ZNF487: variants seen among roughly 807,000 people sequenced by gnomAD.
ZNF487 encodes the protein zinc finger protein 487.
A neutral mutation model predicts 3.0 loss-of-function variants in ZNF487; 4 were observed. The ratio of observed to expected loss-of-function variants is 1.35; its 90% confidence interval spans 0.66 to 3.08. ZNF487 has a LOEUF of 3.08. Ranked by LOEUF, ZNF487 falls within the 30% of genes most tolerant of loss-of-function variation. The pLI is 0.01. For missense variants in ZNF487, 146 were observed against 98.7 expected, an observed-to-expected ratio of 1.48 and a Z score of -2.03; for synonymous variants, 55 against 34.6, an observed-to-expected ratio of 1.59 and a Z score of -2.06.
chr10:43,485,401 C>G (rs929657253), downstream of ZNF487, among the ~76,000 whole-genome samples: 11 of 152,300 alleles, frequency 7.2e-5, no homozygotes, highest in Middle Eastern at 3.4e-3. Context: ...ACATCTGTCA[C>G]ATGATTTACA....
the ZNF487 span, among the ~76,000 whole-genome samples, chr10:43,506,950 C>T: frequency 6.6e-6 from 1 of 152,172 alleles, no homozygotes; most frequent in African/African-American, 2.4e-5. Context: ...ATAACTGGCT[C>T]CATGATACAG....
the ZNF487 span, among the ~76,000 whole-genome samples, chr10:43,504,722 TG>T: frequency 0.72 from 106,910 of 148,980 alleles, 39,542 homozygotes; most frequent in East Asian, 0.93. Context: ...TTGTTGTTGT[TG>T]TTTTTTTTTT....
chr10:43,493,208 C>A, the ZNF487 span, among the ~76,000 whole-genome samples: 1 of 152,088 alleles, frequency 6.6e-6, no homozygotes, highest in Non-Finnish European at 1.5e-5. Flanking sequence ...CCAGCCGAGG[C>A]AACAAGAGCG....
At chr10:43,479,984 C>CTTCCTTCT (rs1284128032) in intron 3 of ZNF487, among the ~76,000 whole-genome samples, 1 of 57,814 alleles carries the variant, frequency 1.7e-5, no homozygotes, top group Non-Finnish European at 5.4e-5. Flanking sequence ...TCTTTCTTTC[C>CTTCCTTCT]TTCTTTCTTT....
intron 1 of ZNF487, among the ~76,000 whole-genome samples, chr10:43,473,089 C>T (rs1840962830): frequency 7.0e-6 from 1 of 143,844 alleles, no homozygotes; most frequent in Non-Finnish European, 1.5e-5. Context: ...TATATGGTGA[C>T]TTTACCATAT....
chr10:43,485,546 C>A (rs1841464059), downstream of ZNF487, among the ~76,000 whole-genome samples: 1 of 152,170 alleles, frequency 6.6e-6, no homozygotes, highest in South Asian at 2.1e-4. Context: ...GAAATTCAAC[C>A]TCTTTCAGTA....
downstream of ZNF487, among the ~76,000 whole-genome samples, chr10:43,487,941 A>T (rs1841484513): frequency 6.7e-6 from 1 of 148,880 alleles, no homozygotes; most frequent in Non-Finnish European, 1.5e-5. Flanking sequence ...AAAAAAAAAA[A>T]AAAAAAAAAA....
At chr10:43,443,913 C>T (rs900610997) in intron 1 of ZNF487, among the ~76,000 whole-genome samples, 56 of 149,644 alleles carry the variant, frequency 3.7e-4, no homozygotes, top group East Asian at 1.6e-3. Flanking sequence ...AGTGCAATGG[C>T]GTGATCTTGG....
At chr10:43,467,082 C>T (rs1314562200) in intron 1 of ZNF487, among the ~76,000 whole-genome samples, 1 of 152,016 alleles carries the variant, frequency 6.6e-6, no homozygotes, top group Non-Finnish European at 1.5e-5. Flanking sequence ...ATCATGTTGA[C>T]CAGGCTGGTC....
At chr10:43,483,523 T>C (rs60057912), downstream of ZNF487, among the ~76,000 whole-genome samples, 5,180 of 95,678 alleles carry the variant, frequency 0.054, 116 homozygotes, top group South Asian at 0.082. Context: ...ACAGCCACCA[T>C]GCCCAGCCCT....
In ZNF487 at chr10:43,475,188, G is replaced by A. The variant is rs568330436; in HGVS notation, c.-93-533G>A. Reference sequence around the variant, plus strand: ...GGACCCTCCCTTATCTGCCTCCTGCGTCTATCACTAGCAGGACCTCGTATA... The same window carrying A: ...GGACCCTCCCTTATCTGCCTCCTGCATCTATCACTAGCAGGACCTCGTATA... On this transcript the variant is annotated intron_variant, in intron 1 of 3. Transcript: ENST00000437590. Among the ~76,000 whole-genome samples, 65 of 152,232 alleles carry A rather than the reference G, an allele frequency of 4.3e-4. No individual in the cohort carries two copies. In the South Asian group the frequency reaches 8.1e-3, roughly 19 times the overall value.
chr10:43,471,220 G>T (rs1395183970), intron 1 of ZNF487, among the ~76,000 whole-genome samples: 5 of 152,284 alleles, frequency 3.3e-5, no homozygotes, highest in Admixed American at 3.3e-4. Flanking sequence ...GATGGAGCAC[G>T]TGAGTGAGTG....
At chr10:43,476,842 C>T (rs568392752) in intron 3 of ZNF487, among the ~76,000 whole-genome samples, 12 of 152,168 alleles carry the variant, frequency 7.9e-5, no homozygotes, top group African/African-American at 2.4e-4. Flanking sequence ...AGAGACTGCT[C>T]GCTGAGGTGC....
chr10:43,462,668 A>T (rs2132095286), intron 1 of ZNF487, among the ~76,000 whole-genome samples: 1 of 151,420 alleles, frequency 6.6e-6, no homozygotes, highest in South Asian at 2.1e-4. Flanking sequence ...GTTGGCCAGG[A>T]TGGTCACGAT....
downstream of ZNF487, among the ~76,000 whole-genome samples, chr10:43,485,861 A>C (rs1841466011): frequency 6.6e-6 from 1 of 152,186 alleles, no homozygotes. Context: ...AATCAAGTGC[A>C]TCTTCAGACT....
chr10:43,516,029 C>T, the ZNF487 span, among the ~76,000 whole-genome samples: 2 of 152,176 alleles, frequency 1.3e-5, no homozygotes, highest in African/African-American at 4.8e-5. Flanking sequence ...ATCCGCCCGC[C>T]TTGGCCTCTC....
chr10:43,455,816 C>G (rs1016472861), intron 1 of ZNF487, among the ~76,000 whole-genome samples: 1 of 152,254 alleles, frequency 6.6e-6, no homozygotes, highest in Non-Finnish European at 1.5e-5. Context: ...CCGGCCTTAG[C>G]GGCGTTTGCT....
intron 1 of ZNF487, among the ~76,000 whole-genome samples, chr10:43,455,793 G>T (rs1238827574): frequency 6.6e-6 from 1 of 152,250 alleles, no homozygotes; most frequent in Non-Finnish European, 1.5e-5. Context: ...GAGACAGCGC[G>T]CCAGGCTGGC....
the ZNF487 span, among the ~76,000 whole-genome samples, chr10:43,492,499 T>G: frequency 6.6e-6 from 1 of 151,720 alleles, no homozygotes; most frequent in East Asian, 1.9e-4. Flanking sequence ...TCGCCCAGGC[T>G]GGAGTGTAGT....
Sources: allele counts gnomAD v4.1 joint callset (sites outside exome capture counted in the v4.1 genomes callset), GRCh38; gene constraint gnomAD v4.1.1; transcripts MANE v1.5; gene names NCBI Gene and HGNC (gene_info 2026-07-23, HGNC 2026-07-21).